Variants in DCAF5 observed in about 807,000 individuals in gnomAD.
The protein encoded by DCAF5 is DDB1 and CUL4 associated factor 5, also known as DDB1- and CUL4-associated factor 5.
Under a neutral mutation model 80.7 loss-of-function variants are expected in DCAF5, and 9 were observed. That is an observed-to-expected ratio of 0.11 (90% CI 0.07 to 0.19). The LOEUF (loss-of-function observed/expected upper bound fraction) is 0.19, where lower values mean the gene tolerates loss of function less well. DCAF5 is among the 10% of genes least tolerant of loss of function. DCAF5 has a pLI of 1.00. For synonymous variants in DCAF5, 433 were observed against 461.9 expected, an observed-to-expected ratio of 0.94 and a Z score of 0.80; for missense variants, 842 against 1,205.7, an observed-to-expected ratio of 0.70 and a Z score of 4.47.
At chr14:69,114,940 T>C (rs2040495563) in intron 5 of DCAF5, among the ~76,000 whole-genome samples, 1 of 152,184 alleles carries the variant, frequency 6.6e-6, no homozygotes, top group Non-Finnish European at 1.5e-5. Context: ...TGCTCAAGCT[T>C]TCCACTGGAG....
chr14:69,081,938 C>T (rs2039121193), intron 6 of DCAF5, among the ~76,000 whole-genome samples: 1 of 152,210 alleles, frequency 6.6e-6, no homozygotes, highest in South Asian at 2.1e-4. Context: ...CAGTAAATGG[C>T]ATGCCTGTCT....
chr14:69,110,440 A>T (rs925000418), intron 5 of DCAF5, among the ~76,000 whole-genome samples: 1 of 148,268 alleles, frequency 6.7e-6, no homozygotes, highest in Non-Finnish European at 1.5e-5. Flanking sequence ...TAATTTTCCT[A>T]TTTTTTTTTA....
chr14:69,148,183 T>A (rs1029499581), intron 1 of DCAF5, among the ~76,000 whole-genome samples: 1 of 146,938 alleles, frequency 6.8e-6, no homozygotes, highest in African/African-American at 2.5e-5. Flanking sequence ...GAGGAGGCAA[T>A]GAGAGCAATT....
chr14:69,133,536 C>T (rs1366100120), intron 1 of DCAF5, among the ~76,000 whole-genome samples: 1 of 152,046 alleles, frequency 6.6e-6, no homozygotes, highest in Non-Finnish European at 1.5e-5. Context: ...AAATCGAAAC[C>T]AGTAGGCAGG....
chr14:69,127,536 C>T (rs2040915018), intron 1 of DCAF5, among the ~76,000 whole-genome samples: 1 of 152,086 alleles, frequency 6.6e-6, no homozygotes, highest in Admixed American at 6.5e-5. Context: ...AGTAAAAATC[C>T]TCTGTATGAT....
In DCAF5 at chr14:69,054,114, C is replaced by A. The variant is rs776003275; in HGVS notation, c.2572G>T (p.Ala858Ser). ...GQNLGELEVV[A>S]YSSPGHSDTD... ...TCTGAGTGTCCTGGGGAAGAGTAGG[C>A]CACCACCTCCAGCTCCCCCAAGTTC... is the stretch of plus-strand genomic sequence containing the variant. Residue 858 changes from alanine to serine, a missense_variant, in exon 9 of 9, where the codon GCC becomes TCC. By Grantham distance (99) the Ala-to-Ser change is moderately conservative. This residue lies in a region of DCAF5 where 607 missense variants were observed against 656.6 expected (regional missense o/e 0.92). Coordinates refer to ENST00000341516, the MANE Select transcript of DCAF5 (RefSeq NM_003861.3). 5.6e-6 allele frequency: 9 copies of A among 1,614,230 alleles called. No individual in the cohort carries two copies. The highest frequency in any genetic ancestry group is 6.8e-6 in the Non-Finnish European group (8 of 1,180,042).
intron 5 of DCAF5, among the ~76,000 whole-genome samples, chr14:69,094,529 A>C (rs2139978978): frequency 6.6e-6 from 1 of 152,324 alleles, no homozygotes; most frequent in South Asian, 2.1e-4. Context: ...CCAACACTGA[A>C]AACTTCATGT....
chr14:69,080,087 A>T (rs1016157233), intron 6 of DCAF5, among the ~76,000 whole-genome samples: 6 of 152,326 alleles, frequency 3.9e-5, no homozygotes, highest in East Asian at 3.9e-4. Flanking sequence ...CTATTTTAAA[A>T]TATAAGGTAG....
chr14:69,084,823 A>G, intron 6 of DCAF5: 1 of 1,070,230 alleles, frequency 9.3e-7, no homozygotes, highest in Non-Finnish European at 1.4e-6. Context: ...TATTGTGTAC[A>G]GATGTGGCAG....
rs911335282 is a variant in DCAF5, at chr14:69,144,234, TA to T, written c.214+8530del. ...AGAAGGCCTGGCATACGTTACAAGA[TA>T]AAAAAAAAAAAGTTAAATAATAATT... On this transcript the variant is annotated intron_variant, in intron 1 of 8. Transcript: ENST00000341516. Among the ~76,000 whole-genome samples, 160 of 143,022 alleles carry T rather than the reference TA, an allele frequency of 1.1e-3. 1 individual carries two copies. The highest frequency in any genetic ancestry group is 3.8e-3 in the East Asian group (19 of 4,964). 93.8% of individuals were successfully genotyped at this position (143,022 alleles called of 152,430 possible). A position where few individuals can be genotyped will look rare whatever the true frequency, so the allele number is the denominator to read the frequency against.
At chr14:69,097,493 A>C (rs2039764778) in intron 5 of DCAF5, among the ~76,000 whole-genome samples, 1 of 152,056 alleles carries the variant, frequency 6.6e-6, no homozygotes, top group African/African-American at 2.4e-5. Flanking sequence ...TACTATATGC[A>C]ATGTACTTTC....
In DCAF5 at chr14:69,055,622, A is replaced by G; in HGVS notation, c.1075-11T>C. The G allele has an allele frequency of 2.5e-6, 4 of 1,580,444 alleles. No homozygotes were observed. Among genetic ancestry groups the G allele is most frequent in the Non-Finnish European group, 3.5e-6 (4 of 1,157,418 alleles). ...GTATGGGCTCCAGATCTGAACAGAA[A>G]ATGAAAAACAAAAGCAACAAGGAGT... On this transcript the variant is annotated splice_polypyrimidine_tract_variant and intron_variant, in intron 8 of 8. Coordinates refer to ENST00000341516, the MANE Select transcript of DCAF5 (RefSeq NM_003861.3). The surrounding 1 kb of genome is among the most constrained non-coding windows in gnomAD (Gnocchi z 5.6).
At chr14:69,114,486 T>C (rs1395045102) in intron 5 of DCAF5, among the ~76,000 whole-genome samples, 1 of 152,154 alleles carries the variant, frequency 6.6e-6, no homozygotes, top group Non-Finnish European at 1.5e-5. Flanking sequence ...CTTCCTTCTG[T>C]CTCAATTTTT....
intron 1 of DCAF5, among the ~76,000 whole-genome samples, chr14:69,132,790 G>C (rs547114953): frequency 6.6e-5 from 10 of 152,080 alleles, no homozygotes; most frequent in Non-Finnish European, 1.5e-4. Context: ...AAAATAATAA[G>C]AAAAAACCCA....
chr14:69,092,478 C>T (rs1488226320), intron 5 of DCAF5, among the ~76,000 whole-genome samples: 2 of 152,064 alleles, frequency 1.3e-5, no homozygotes, highest in Admixed American at 1.3e-4. Context: ...ATTAGCCAGG[C>T]ATGGTGGCAT....
At chr14:69,058,712 A>G (rs1014079118) in intron 8 of DCAF5, among the ~76,000 whole-genome samples, 13 of 151,652 alleles carry the variant, frequency 8.6e-5, no homozygotes, top group Non-Finnish European at 1.6e-4. Flanking sequence ...CCGTCTCTAC[A>G]AAATACAAAA....
intron 6 of DCAF5, chr14:69,091,038 G>A (rs772239613): frequency 8.2e-6 from 6 of 727,730 alleles, no homozygotes; most frequent in Non-Finnish European, 1.5e-5. Context: ...AAAGGTGCAA[G>A]AAGGCCAAGT....
chr14:69,094,169 T>A, intron 5 of DCAF5, among the ~76,000 whole-genome samples: 1 of 152,162 alleles, frequency 6.6e-6, no homozygotes. Flanking sequence ...TCACCACCCA[T>A]AGCAGCAGGG....
At chr14:69,148,693 G>A (rs1000632172) in intron 1 of DCAF5, among the ~76,000 whole-genome samples, 2 of 151,954 alleles carry the variant, frequency 1.3e-5, no homozygotes, top group African/African-American at 4.8e-5. Context: ...AGACTCCATT[G>A]CCCCCACCGC....
Sources: gnomAD v4.1 joint callset for allele counts (sites outside exome capture counted in the v4.1 genomes callset) on GRCh38, gnomAD v4.1.1 for gene constraint, gnomAD v4.1.1 regional missense constraint, Gnocchi (gnomAD v3.1) non-coding constraint, MANE v1.5 for transcripts, NCBI Gene and HGNC (gene_info 2026-07-23, HGNC 2026-07-21) for gene names.